The following TMED3 variants were observed in gnomAD, a reference collection of about 807,000 sequenced individuals.
The protein encoded by TMED3 is transmembrane emp24 domain-containing protein 3.
TMED3 carries 9 observed loss-of-function variants against 15.0 expected under a neutral mutation model. The observed-to-expected ratio is 0.60, with a 90% CI of 0.36 to 1.04. The LOEUF (loss-of-function observed/expected upper bound fraction) is 1.04. Among genes scored for constraint, TMED3 ranks in the 50% least tolerant of loss-of-function variants. The pLI, the probability that TMED3 is intolerant of heterozygous loss-of-function variation, is 0.01. For missense variants in TMED3, 267 were observed against 278.9 expected, an observed-to-expected ratio of 0.96 and a Z score of 0.30; for synonymous variants, 117 against 121.4, an observed-to-expected ratio of 0.96 and a Z score of 0.24.
At chr15:79,402,449 A>C (rs1273573068) in intron 2 of TMED3, among the ~76,000 whole-genome samples, 1 of 152,210 alleles carries the variant, frequency 6.6e-6, no homozygotes, top group Non-Finnish European at 1.5e-5. Flanking sequence ...TTATACCTGC[A>C]CAAAGCTGAT....
chr15:79,394,933 T>C (rs1477605794), intron 2 of TMED3, among the ~76,000 whole-genome samples: 1 of 152,248 alleles, frequency 6.6e-6, no homozygotes, highest in Non-Finnish European at 1.5e-5. Flanking sequence ...GCATGTTGTT[T>C]TATACTTTTG....
At chr15:79,348,459 C>T (rs2058879297) in intron 2 of TMED3, among the ~76,000 whole-genome samples, 1 of 152,076 alleles carries the variant, frequency 6.6e-6, no homozygotes, top group South Asian at 2.1e-4. Flanking sequence ...GATGGAAATG[C>T]TCATATAGGG....
downstream of TMED3, among the ~76,000 whole-genome samples, chr15:79,327,332 C>G (rs2058791015): frequency 1.3e-5 from 2 of 152,230 alleles, no homozygotes; most frequent in Non-Finnish European, 2.9e-5. Context: ...ACATCCCAGT[C>G]TCCAGAACTG....
intron 2 of TMED3, among the ~76,000 whole-genome samples, chr15:79,405,972 T>C (rs981233471): frequency 1.3e-5 from 2 of 152,216 alleles, no homozygotes; most frequent in African/African-American, 4.8e-5. Context: ...TCCTAGAGCC[T>C]GAGGCTGTGT....
chr15:79,357,001 G>C (rs2058921861), intron 2 of TMED3, among the ~76,000 whole-genome samples: 2 of 151,580 alleles, frequency 1.3e-5, no homozygotes, highest in South Asian at 4.2e-4. Flanking sequence ...AAAACAGAAT[G>C]TGTAGTATGA....
intron 2 of TMED3, among the ~76,000 whole-genome samples, chr15:79,409,177 C>T (rs182805208): frequency 1.3e-5 from 2 of 152,254 alleles, no homozygotes; most frequent in East Asian, 1.9e-4. Context: ...AAGGACAGGT[C>T]GAGGAGTTAC....
At chr15:79,358,245 C>A (rs1285213062) in intron 2 of TMED3, among the ~76,000 whole-genome samples, 1 of 152,214 alleles carries the variant, frequency 6.6e-6, no homozygotes, top group African/African-American at 2.4e-5. Flanking sequence ...GTCTCACAAC[C>A]CTGTGAACAG....
chr15:79,380,581 TTATATATATATATA>T (rs375808118), intron 2 of TMED3, among the ~76,000 whole-genome samples: 1 of 102,912 alleles, frequency 9.7e-6, no homozygotes, highest in South Asian at 2.8e-4. Context: ...ATATATAGTT[TTATATATATATATA>T]TATATAGAGA....
chr15:79,359,664 G>T (rs1893085828), intron 2 of TMED3, among the ~76,000 whole-genome samples: 1 of 152,200 alleles, frequency 6.6e-6, no homozygotes, highest in South Asian at 2.1e-4. Context: ...TAGAATTTGG[G>T]AGTTGTTTCT....
At chr15:79,320,091 G>C (rs940698763) in intron 2 of TMED3, among the ~76,000 whole-genome samples, 1 of 152,180 alleles carries the variant, frequency 6.6e-6, no homozygotes, top group Non-Finnish European at 1.5e-5. Context: ...GCTAAGTAGC[G>C]GGTGTTTTTC....
chr15:79,398,557 T>C (rs1352824372), intron 2 of TMED3, among the ~76,000 whole-genome samples: 1 of 143,568 alleles, frequency 7.0e-6, no homozygotes, highest in Non-Finnish European at 1.5e-5. Flanking sequence ...AACGGGAAGC[T>C]GTGAGAATAG....
chr15:79,395,243 G>A (rs1035822347), intron 2 of TMED3, among the ~76,000 whole-genome samples: 1 of 152,186 alleles, frequency 6.6e-6, no homozygotes, highest in African/African-American at 2.4e-5. Flanking sequence ...GCAGTGGCAC[G>A]ATCTCGGCCC....
chr15:79,359,748 A>C (rs978483842), intron 2 of TMED3, among the ~76,000 whole-genome samples: 18 of 152,208 alleles, frequency 1.2e-4, no homozygotes, highest in Non-Finnish European at 1.9e-4. Flanking sequence ...AAAAGTTAAC[A>C]ATCAGCTGAT....
At position 79,311,230 on chromosome 15, in the gene TMED3, G is replaced by T; in HGVS notation, c.-20G>T. 6.3e-7 allele frequency: 1 copy of T among 1,583,016 alleles called. No individual in the cohort carries two copies. ...GCGCAGCGCCCGAGCCGCGGCCCTC[G>T]AGACGGGACCGAGAGCATCATGGGC... On this transcript the variant is annotated 5_prime_UTR_variant, in exon 1 of 3. Coordinates refer to ENST00000299705, the MANE Select transcript of TMED3 (RefSeq NM_007364.4).
At chr15:79,323,417 G>A (rs2058776441), downstream of TMED3, among the ~76,000 whole-genome samples, 1 of 152,164 alleles carries the variant, frequency 6.6e-6, no homozygotes, top group Admixed American at 6.5e-5. Context: ...TAGCTTGATT[G>A]AAGGATAAAT....
At chr15:79,405,116 T>C (rs896457513) in intron 2 of TMED3, among the ~76,000 whole-genome samples, 2 of 152,220 alleles carry the variant, frequency 1.3e-5, no homozygotes, top group African/African-American at 4.8e-5. Flanking sequence ...CAGTTCATAA[T>C]ACTCAGCTCC....
intron 2 of TMED3, among the ~76,000 whole-genome samples, chr15:79,357,646 C>T (rs2141238604): frequency 6.6e-6 from 1 of 151,734 alleles, no homozygotes; most frequent in African/African-American, 2.4e-5. Context: ...GTGCTGGGGG[C>T]ATTTGGAGTC....
intron 2 of TMED3, among the ~76,000 whole-genome samples, chr15:79,352,106 A>G (rs935616303): frequency 1.3e-5 from 2 of 152,048 alleles, no homozygotes; most frequent in Non-Finnish European, 2.9e-5. Flanking sequence ...AAACCTACCT[A>G]TTGGGGACGG....
At chr15:79,331,542 C>CAAAAAAAAAAAAAAAAAAG (rs2058808634) in intron 2 of TMED3, among the ~76,000 whole-genome samples, 1 of 89,286 alleles carries the variant, frequency 1.1e-5, no homozygotes, top group African/African-American at 4.9e-5. Flanking sequence ...GCAAAAGAAG[C>CAAAAAAAAAAAAAAAAAAG]AAAAAAAAAA....
Sources: allele counts gnomAD v4.1 joint callset (sites outside exome capture counted in the v4.1 genomes callset), GRCh38; gene constraint gnomAD v4.1.1; transcripts MANE v1.5; gene names NCBI Gene and HGNC (gene_info 2026-07-23, HGNC 2026-07-21).